The following CCDC50 variants were observed in gnomAD, a reference collection of about 807,000 sequenced individuals.
The protein encoded by CCDC50 is coiled-coil domain-containing protein 50.
CCDC50 carries 54 observed loss-of-function variants against 70.2 expected under a neutral mutation model. The ratio of observed to expected loss-of-function variants is 0.77; its 90% confidence interval spans 0.62 to 0.96. The LOEUF (loss-of-function observed/expected upper bound fraction) is 0.96. Among genes scored for constraint, CCDC50 ranks in the 50% least tolerant of loss-of-function variants. The probability of loss-of-function intolerance (pLI) is 0.00; values close to 1 mark genes in which losing one functional copy is unlikely to be tolerated. For synonymous variants in CCDC50, 216 were observed against 198.8 expected, an observed-to-expected ratio of 1.09 and a Z score of -0.73; for missense variants, 558 against 578.7, an observed-to-expected ratio of 0.96 and a Z score of 0.37.
chr3:191,369,821 A>G (rs1712833572), intron 4 of CCDC50, 98 bp from the exon 5 acceptor site: 1 of 828,122 alleles, frequency 1.2e-6, no homozygotes, highest in South Asian at 1.3e-5. Context: ...CCATGGACAG[A>G]GCACATACAA....
chr3:191,384,660 T>A (rs1233558158), intron 10 of CCDC50, among the ~76,000 whole-genome samples: 1 of 152,148 alleles, frequency 6.6e-6, no homozygotes, highest in Non-Finnish European at 1.5e-5. Context: ...TTTGTTGTTA[T>A]TTTTCAAAAA....
At chr3:191,365,908 A>G (rs1422996051) in intron 4 of CCDC50, among the ~76,000 whole-genome samples, 1 of 152,166 alleles carries the variant, frequency 6.6e-6, no homozygotes, top group Admixed American at 6.5e-5. Context: ...AAATGTTCCA[A>G]TGAGCATTTT....
chr3:191,380,380 C>CT, intron 7 of CCDC50, 106 bp downstream of exon 7: 2 of 795,090 alleles, frequency 2.5e-6, no homozygotes, highest in Middle Eastern at 2.4e-4. Context: ...ATTGAGAAAC[C>CT]TTTTTTTATG....
In CCDC50 at chr3:191,348,911, G is replaced by A. The variant is rs1322497597; in HGVS notation, c.50-8177G>A. ...TGAATTGCTCACGTATTACTTAAGT[G>A]TTCTTTTGTTTTCAGCCTTGAGCCT... is the stretch of plus-strand genomic sequence containing the variant. On this transcript the variant is annotated intron_variant, in intron 1 of 11. Coordinates refer to ENST00000392455, the MANE Select transcript of CCDC50 (RefSeq NM_178335.3). Among the ~76,000 whole-genome samples the A allele has an allele frequency of 2.8e-5, 4 of 142,418 alleles. 1 individual carries two copies. Among genetic ancestry groups the A allele is most frequent in the Non-Finnish European group, 6.3e-5 (4 of 63,160 alleles). 93.4% of individuals were successfully genotyped at this position (142,418 alleles called of 152,430 possible). A position where few individuals can be genotyped will look rare whatever the true frequency, so the allele number is the denominator to read the frequency against.
intron 10 of CCDC50, among the ~76,000 whole-genome samples, chr3:191,387,076 G>A (rs1406565998): frequency 6.6e-6 from 1 of 152,018 alleles, no homozygotes; most frequent in African/African-American, 2.4e-5. Context: ...TATTTATTGA[G>A]CACCCTATTA....
intron 3 of CCDC50, 36 bp from the exon 4 acceptor site, chr3:191,361,030 TTTA>T: frequency 7.4e-7 from 1 of 1,358,558 alleles, no homozygotes; most frequent in Non-Finnish European, 1.1e-6. Context: ...TACATTATTT[TTTA>T]TTTTCCTTAT....
intron 1 of CCDC50, among the ~76,000 whole-genome samples, chr3:191,335,943 C>A (rs1266304536): frequency 6.6e-6 from 1 of 151,186 alleles, no homozygotes; most frequent in Non-Finnish European, 1.5e-5. Flanking sequence ...ATGCCCCCAC[C>A]AGCCACTGAT....
At chr3:191,342,570 G>A (rs1433686277) in intron 1 of CCDC50, among the ~76,000 whole-genome samples, 1 of 152,174 alleles carries the variant, frequency 6.6e-6, no homozygotes, top group Non-Finnish European at 1.5e-5. Flanking sequence ...AAGCTGGGCT[G>A]GAAGTGATCT....
intron 8 of CCDC50, 37 bp from the exon 9 acceptor site, chr3:191,380,791 C>T (rs1023988148): frequency 1.2e-6 from 2 of 1,604,910 alleles, no homozygotes; most frequent in African/African-American, 1.3e-5. Flanking sequence ...TCTATCTGCA[C>T]CTCTGCAGTT....
At chr3:191,346,223 T>C (rs1163499771) in intron 1 of CCDC50, among the ~76,000 whole-genome samples, 6 of 152,216 alleles carry the variant, frequency 3.9e-5, no homozygotes, top group African/African-American at 7.2e-5. Context: ...CTTCACTGTT[T>C]AGATGCTTAT....
Position 191,329,409 on chromosome 3 carries a change from A to C in CCDC50, c.-266A>C. The C allele has an allele frequency of 1.8e-5, 7 of 399,914 alleles. No homozygotes were observed. The highest frequency in any genetic ancestry group is 1.8e-5 in the Non-Finnish European group (4 of 227,656). The allele number at this position is 399,914 out of a possible 1,614,324, so 24.8% of individuals were successfully genotyped here. ...GCCCCGGTCCATTTCCGGGCTCCGG[A>C]TATTTGGTATCGATTGGGGCCGGGG... On this transcript the variant is annotated 5_prime_UTR_variant, in exon 1 of 12. Transcript: ENST00000392455.
In CCDC50 at chr3:191,375,334, A is replaced by G. The variant is rs1713065696; in HGVS notation, c.721A>G (p.Ile241Val). The G allele has an allele frequency of 5.0e-6, 8 of 1,613,596 alleles. No homozygotes were observed. Among genetic ancestry groups the G allele is most frequent in the Non-Finnish European group, 6.8e-6 (8 of 1,179,828 alleles). ...GCCTCGGAGACCTCTGCTTCCCACG[A>G]TCAGTGGTGAAGTGTTTCTGAGCAC... ...ERPRRPLLPT[I>V]SGEVFLSTEC... Residue 241 changes from isoleucine to valine, a missense_variant, in exon 6 of 12, where the codon ATC becomes GTC. Physicochemically the swap from Ile to Val is conservative, Grantham distance 29. Transcript: ENST00000392455.
intron 5 of CCDC50, among the ~76,000 whole-genome samples, chr3:191,374,671 T>C (rs547972098): frequency 6.6e-6 from 1 of 152,338 alleles, no homozygotes; most frequent in South Asian, 2.1e-4. Context: ...CTTAATTTTT[T>C]TGTTTTACAA....
intron 1 of CCDC50, 50 bp downstream of exon 1, chr3:191,329,773 G>C (rs1717886922): frequency 1.3e-6 from 2 of 1,581,304 alleles, no homozygotes; most frequent in African/African-American, 1.3e-5. Context: ...CTCCCAGCCC[G>C]AGGTTCTCTC....
At chr3:191,377,727 T>C (rs1222079042) in intron 6 of CCDC50, among the ~76,000 whole-genome samples, 1 of 152,202 alleles carries the variant, frequency 6.6e-6, no homozygotes, top group East Asian at 1.9e-4. Context: ...GTCAGTACTT[T>C]CAACAATTTT....
chr3:191,338,288 C>T (rs1402626143), intron 1 of CCDC50, among the ~76,000 whole-genome samples: 1 of 152,086 alleles, frequency 6.6e-6, no homozygotes, highest in African/African-American at 2.4e-5. Flanking sequence ...TTAGGTTTTT[C>T]TTTTATATTA....
In CCDC50 at chr3:191,393,044, G is replaced by A. The variant is rs1190667479; in HGVS notation, c.*1284G>A. The A allele has an allele frequency of 6.6e-6, 1 of 152,298 alleles. No homozygotes were observed. The highest frequency in any genetic ancestry group is 1.9e-4 in the East Asian group (1 of 5,204). 9.4% of individuals were successfully genotyped at this position (152,298 alleles called of 1,614,324 possible). On this transcript the variant is annotated 3_prime_UTR_variant, in exon 12 of 12. Transcript: ENST00000392455. ...TAAGCCACCATGTCCAGCCAGCCAA[G>A]TATTTGGTTTTAAACATTTGTATTC...
In CCDC50 at chr3:191,394,139, C is replaced by T. The variant is rs1354126090; in HGVS notation, c.*2379C>T. Reference sequence around the variant, plus strand: ...TTTAGTAAGTGACCAAGTAAGCTATCACCTTGTGATAGCTAATTCAACATC... The same window carrying T: ...TTTAGTAAGTGACCAAGTAAGCTATTACCTTGTGATAGCTAATTCAACATC... On this transcript the variant is annotated 3_prime_UTR_variant, in exon 12 of 12. Coordinates refer to ENST00000392455, the MANE Select transcript of CCDC50 (RefSeq NM_178335.3). 5 of 152,098 alleles carry T rather than the reference C, an allele frequency of 3.3e-5. No individual in the cohort carries two copies. The highest frequency in any genetic ancestry group is 9.7e-5 in the African/African-American group (4 of 41,432). 9.4% of individuals were successfully genotyped at this position (152,098 alleles called of 1,614,324 possible).
At position 191,353,536 on chromosome 3, in the gene CCDC50, A is replaced by G. The variant is rs182088067; in HGVS notation, c.50-3552A>G. ...AAGGCAGAGGAGGTTAGAAAAGGAG[A>G]AAAGTTCTCTTCATGCTCTGAGCGT... is the stretch of plus-strand genomic sequence containing the variant. On this transcript the variant is annotated intron_variant, in intron 1 of 11. Coordinates refer to ENST00000392455, the MANE Select transcript of CCDC50 (RefSeq NM_178335.3). 8.5e-5 allele frequency among the ~76,000 whole-genome samples: 12 copies of G among 141,288 alleles called. 3 individuals carry two copies. The highest frequency in any genetic ancestry group is 5.8e-4 in the Admixed American group (8 of 13,816). 92.7% of individuals were successfully genotyped at this position (141,288 alleles called of 152,430 possible). A position where few individuals can be genotyped will look rare whatever the true frequency, so the allele number is the denominator to read the frequency against.
Sources: gnomAD v4.1 joint callset for allele counts (sites outside exome capture counted in the v4.1 genomes callset) on GRCh38, gnomAD v4.1.1 for gene constraint, MANE v1.5 for transcripts, NCBI Gene and HGNC (gene_info 2026-07-23, HGNC 2026-07-21) for gene names.